Variants in EEA1 observed in about 807,000 individuals in gnomAD.
EEA1 encodes early endosome antigen 1, 162kD.
A neutral mutation model predicts 209.2 loss-of-function variants in EEA1; 111 were observed. The observed-to-expected ratio is 0.53, with a 90% CI of 0.45 to 0.62. EEA1 has a LOEUF of 0.62. Among genes scored for constraint, EEA1 ranks in the 20% least tolerant of loss-of-function variants. The pLI, the probability that EEA1 is intolerant of heterozygous loss-of-function variation, is 0.00. For synonymous variants in EEA1, 536 were observed against 540.6 expected, an observed-to-expected ratio of 0.99 and a Z score of 0.12; for missense variants, 1,343 against 1,530.8, an observed-to-expected ratio of 0.88 and a Z score of 2.05.
At chr12:92,792,734 C>T (rs1265266081) in intron 21 of EEA1, among the ~76,000 whole-genome samples, 1 of 152,156 alleles carries the variant, frequency 6.6e-6, no homozygotes, top group Non-Finnish European at 1.5e-5. Context: ...CCTTTTGAAA[C>T]TATTCCAATC....
intron 2 of EEA1, among the ~76,000 whole-genome samples, chr12:92,877,705 G>A (rs1206379558): frequency 1.3e-5 from 2 of 151,846 alleles, no homozygotes; most frequent in Admixed American, 6.6e-5. Context: ...TAGAGATGGG[G>A]TTTCACCATG....
chr12:92,914,540 T>C (rs141029817), intron 1 of EEA1, among the ~76,000 whole-genome samples: 165 of 152,226 alleles, frequency 1.1e-3, no homozygotes, highest in African/African-American at 3.5e-3. Flanking sequence ...AGAAATTGCA[T>C]TGAGGCTGGG....
chr12:92,926,401 C>T (rs1881217919), intron 1 of EEA1, among the ~76,000 whole-genome samples: 1 of 152,066 alleles, frequency 6.6e-6, no homozygotes, highest in South Asian at 2.1e-4. Flanking sequence ...ATAAGATTAG[C>T]AGGGAGGGGT....
intron 21 of EEA1, among the ~76,000 whole-genome samples, chr12:92,789,737 G>A (rs1221848354): frequency 1.3e-5 from 2 of 152,148 alleles, no homozygotes; most frequent in Non-Finnish European, 2.9e-5. Context: ...AGACTTAAAC[G>A]TCCCTGTCTG....
At chr12:92,837,403 C>T (rs1876979100) in intron 10 of EEA1, among the ~76,000 whole-genome samples, 1 of 151,938 alleles carries the variant, frequency 6.6e-6, no homozygotes, top group Non-Finnish European at 1.5e-5. Flanking sequence ...GTAATACAAG[C>T]GATATAATAA....
At chr12:92,919,626 C>G (rs1190746321) in intron 1 of EEA1, among the ~76,000 whole-genome samples, 3 of 147,436 alleles carry the variant, frequency 2.0e-5, no homozygotes, top group Non-Finnish European at 4.5e-5. Context: ...TATGACAAAC[C>G]CACAGCCAAT....
In EEA1 at chr12:92,929,099, C is replaced by T; in HGVS notation, c.-33G>A. 2 of 1,576,896 alleles carry T rather than the reference C, an allele frequency of 1.3e-6. No homozygotes were observed. Among genetic ancestry groups the T allele is most frequent in the Non-Finnish European group, 1.7e-6 (2 of 1,162,356 alleles). ...CCACCACCCGGCGCCGCCGCGGTGA[C>T]TCTCCAGACCCTGCGCGGGGCCACT... On this transcript the variant is annotated 5_prime_UTR_variant, in exon 1 of 29. Transcript: ENST00000322349.
intron 10 of EEA1, among the ~76,000 whole-genome samples, chr12:92,842,065 G>A (rs1420323655): frequency 6.6e-6 from 1 of 152,122 alleles, no homozygotes; most frequent in Non-Finnish European, 1.5e-5. Flanking sequence ...AACGAACCTT[G>A]AGGACACTAT....
chr12:92,859,123 C>G (rs1367669442), intron 3 of EEA1: 7 of 1,182,496 alleles, frequency 5.9e-6, no homozygotes, highest in Non-Finnish European at 8.8e-6. Flanking sequence ...GAGGGAGCTA[C>G]TAGAGATTAT....
At chr12:92,786,257 T>C (rs1197342811) in intron 22 of EEA1, among the ~76,000 whole-genome samples, 1 of 152,148 alleles carries the variant, frequency 6.6e-6, no homozygotes, top group Non-Finnish European at 1.5e-5. Context: ...TTGCCTAAAA[T>C]ACAAATGTAA....
chr12:92,928,828 C>G (rs1437981824), intron 1 of EEA1, among the ~76,000 whole-genome samples: 2 of 151,128 alleles, frequency 1.3e-5, no homozygotes, highest in African/African-American at 4.8e-5. Flanking sequence ...CAGGCCTGGA[C>G]GCGCGGGGCC....
intron 1 of EEA1, among the ~76,000 whole-genome samples, chr12:92,920,548 T>C (rs1384665548): frequency 7.8e-6 from 1 of 128,224 alleles, no homozygotes; most frequent in African/African-American, 3.1e-5. Context: ...TAGCCATATG[T>C]AGAAAGCTGA....
At chr12:92,928,613 T>G (rs914984011) in intron 1 of EEA1, among the ~76,000 whole-genome samples, 9 of 151,208 alleles carry the variant, frequency 6.0e-5, no homozygotes, top group Non-Finnish European at 1.3e-4. Context: ...GCACGGGGAG[T>G]GCGGCGGGTG....
chr12:92,873,079 T>C (rs1878724008), intron 2 of EEA1, among the ~76,000 whole-genome samples: 1 of 152,218 alleles, frequency 6.6e-6, no homozygotes, highest in African/African-American at 2.4e-5. Context: ...CAAAAATAGA[T>C]GTGGACTTGG....
intron 1 of EEA1, among the ~76,000 whole-genome samples, chr12:92,916,996 A>C (rs1055342999): frequency 1.3e-5 from 2 of 151,732 alleles, no homozygotes; most frequent in Admixed American, 1.3e-4. Context: ...GGGTGTCAGC[A>C]ATGGAAGATG....
intron 3 of EEA1, chr12:92,858,290 A>G (rs1877977467): frequency 2.7e-6 from 2 of 741,426 alleles, no homozygotes; most frequent in African/African-American, 3.4e-5. Context: ...TTGCACGTGA[A>G]ATTACATCCA....
chr12:92,827,925 C>T lies in EEA1; in HGVS notation c.1391G>A (p.Arg464Gln), dbSNP rs772015414. 12 of 1,564,436 alleles carry T rather than the reference C, an allele frequency of 7.7e-6. No individual in the cohort carries two copies. The highest frequency in any genetic ancestry group is 4.8e-5 in the East Asian group (2 of 41,658). The change falls in exon 12 of 29, where the codon CGG (arginine) becomes CAG (glutamine). Residue 464 changes from arginine (R) to glutamine (Q), a missense_variant. Arg to Gln is a conservative substitution (Grantham distance 43). Transcript: ENST00000322349. ...QVADLQLKLS[R>Q]LEEQLKEKVT... is the part of the protein sequence containing the mutation. Reference sequence around the variant, plus strand: ...ATGCTAGCTTACCTGCTCTTCTAACCGAGAAAGTTTGAGTTGTAAATCAGC... The same window carrying T: ...ATGCTAGCTTACCTGCTCTTCTAACTGAGAAAGTTTGAGTTGTAAATCAGC...
Position 92,770,683 on chromosome 12 carries a change from T to C in EEA1, c.*5328A>G, listed in dbSNP as rs1873386707. The C allele has an allele frequency of 6.6e-6, 1 of 152,640 alleles. No individual in the cohort carries two copies. The highest frequency in any genetic ancestry group is 1.5e-5 in the Non-Finnish European group (1 of 68,408). 9.5% of individuals were successfully genotyped at this position (152,640 alleles called of 1,614,324 possible). A position where few individuals can be genotyped will look rare whatever the true frequency, so the allele number is the denominator to read the frequency against. Reference sequence around the variant, plus strand: ...ATAAATCTTTAGATACAAAGCTTGATTGTTCTTTTAATATACAAAGCAATA... The same window carrying C: ...ATAAATCTTTAGATACAAAGCTTGACTGTTCTTTTAATATACAAAGCAATA... On this transcript the variant is annotated 3_prime_UTR_variant, in exon 29 of 29. Coordinates refer to ENST00000322349, the MANE Select transcript of EEA1 (RefSeq NM_003566.4).
Position 92,901,506 on chromosome 12 carries a change from G to A in EEA1, c.25-9785C>T, listed in dbSNP as rs935253531. 2.6e-5 allele frequency among the ~76,000 whole-genome samples: 4 copies of A among 151,940 alleles called. No homozygotes were observed. The South Asian group carries it at 8.3e-4, about 31-fold the overall frequency. ...ACAAGGAAACCCTCACAAGTCAGGG[G>A]TTTTTGATGTCCATATTTTAAATAT... On this transcript the variant is annotated intron_variant, in intron 1 of 28. Transcript: ENST00000322349.
Sources: allele counts gnomAD v4.1 joint callset (sites outside exome capture counted in the v4.1 genomes callset), GRCh38; gene constraint gnomAD v4.1.1; transcripts MANE v1.5; gene names NCBI Gene and HGNC (gene_info 2026-07-23, HGNC 2026-07-21).